Variants in RNFT2 observed in about 807,000 individuals in gnomAD.
The protein encoded by RNFT2 is ring finger protein, transmembrane 2.
RNFT2 carries 36 observed loss-of-function variants against 53.0 expected under a neutral mutation model. The observed-to-expected ratio is 0.68, with a 90% confidence interval of 0.52 to 0.90. The LOEUF (loss-of-function observed/expected upper bound fraction) is 0.90. Among genes scored for constraint, RNFT2 ranks in the 40% least tolerant of loss-of-function variants. The pLI, the probability that RNFT2 is intolerant of heterozygous loss-of-function variation, is 0.00. For missense variants in RNFT2, 514 were observed against 585.6 expected, an observed-to-expected ratio of 0.88 and a Z score of 1.26; for synonymous variants, 260 against 253.2, an observed-to-expected ratio of 1.03 and a Z score of -0.26.
chr12:116,762,155 G>A (rs1006372513), intron 5 of RNFT2, among the ~76,000 whole-genome samples: 16 of 151,996 alleles, frequency 1.1e-4, no homozygotes, highest in African/African-American at 3.6e-4. Flanking sequence ...AAGGCAGGTG[G>A]ATCACTTGAG....
chr12:116,799,231 C>T (rs1874651169), intron 7 of RNFT2, among the ~76,000 whole-genome samples: 1 of 152,200 alleles, frequency 6.6e-6, no homozygotes, highest in Non-Finnish European at 1.5e-5. Flanking sequence ...TTGCCACCAT[C>T]TTCAAGCCAA....
At chr12:116,844,881 T>C (rs146703103) in intron 10 of RNFT2, among the ~76,000 whole-genome samples, 8 of 152,130 alleles carry the variant, frequency 5.3e-5, no homozygotes, top group Non-Finnish European at 1.0e-4. Flanking sequence ...GGTTGGTCAA[T>C]AGATATTTAC....
rs372263210 is a variant in RNFT2 at position 116,849,453 on chromosome 12, G to A, written c.*5G>A. 15 of 1,581,200 alleles carry A rather than the reference G, an allele frequency of 9.5e-6. No homozygotes were observed. Among genetic ancestry groups the A allele is most frequent in the Non-Finnish European group, 1.1e-5 (13 of 1,163,282 alleles). ...GCACACTTCCAGGTGTACTAGGACCGAACACTGAGGACACCCAGAAGGACG... is the reference window on the plus strand; with the variant it reads ...GCACACTTCCAGGTGTACTAGGACCAAACACTGAGGACACCCAGAAGGACG... On this transcript the variant is annotated 3_prime_UTR_variant, in exon 11 of 11. Coordinates refer to ENST00000257575, the MANE Select transcript of RNFT2 (RefSeq NM_001382266.1).
intron 10 of RNFT2, among the ~76,000 whole-genome samples, chr12:116,846,618 A>G (rs1877630163): frequency 2.6e-5 from 4 of 152,012 alleles, no homozygotes; most frequent in Non-Finnish European, 5.9e-5. Flanking sequence ...TTTTAAAAAA[A>G]CATTTTGTTT....
intron 7 of RNFT2, among the ~76,000 whole-genome samples, chr12:116,787,542 T>TAATAAA (rs1044087896): frequency 6.6e-6 from 1 of 151,900 alleles, no homozygotes; most frequent in Non-Finnish European, 1.5e-5. Context: ...GCCATCTTTA[T>TAATAAA]AATAAAAATA....
At chr12:116,812,170 G>C (rs530589063) in intron 7 of RNFT2, among the ~76,000 whole-genome samples, 1 of 152,288 alleles carries the variant, frequency 6.6e-6, no homozygotes, top group South Asian at 2.1e-4. Context: ...GTGGGGCAGA[G>C]ACACACAAAA....
intron 5 of RNFT2, among the ~76,000 whole-genome samples, chr12:116,757,853 A>G (rs528561907): frequency 6.6e-6 from 1 of 152,264 alleles, no homozygotes; most frequent in African/African-American, 2.4e-5. Flanking sequence ...GTTCCAAGGT[A>G]TAGTTTAAAT....
At chr12:116,780,133 A>G (rs1339950071) in intron 7 of RNFT2, among the ~76,000 whole-genome samples, 1 of 152,134 alleles carries the variant, frequency 6.6e-6, no homozygotes, top group Non-Finnish European at 1.5e-5. Flanking sequence ...GTGACCATCG[A>G]TCTTGAGTGG....
At chr12:116,796,559 G>A (rs1408294779) in intron 7 of RNFT2, among the ~76,000 whole-genome samples, 1 of 152,082 alleles carries the variant, frequency 6.6e-6, no homozygotes, top group Non-Finnish European at 1.5e-5. Context: ...TAAGAAAGGT[G>A]GTCTTCTCTG....
intron 5 of RNFT2, among the ~76,000 whole-genome samples, chr12:116,756,149 T>C (rs925575618): frequency 7.2e-5 from 11 of 152,284 alleles, no homozygotes; most frequent in South Asian, 2.1e-4. Flanking sequence ...TGTAGATTGC[T>C]TTTGGCAGTA....
intron 7 of RNFT2, among the ~76,000 whole-genome samples, chr12:116,783,738 C>T (rs1322971985): frequency 6.6e-6 from 1 of 152,250 alleles, no homozygotes; most frequent in East Asian, 1.9e-4. Context: ...CTTGTTGGCT[C>T]TCCACAGCCA....
At chr12:116,761,648 TC>T (rs1388919816) in intron 5 of RNFT2, among the ~76,000 whole-genome samples, 3 of 152,196 alleles carry the variant, frequency 2.0e-5, no homozygotes, top group South Asian at 4.1e-4. Context: ...AAATCATTTT[TC>T]TGTCATTTTC....
intron 10 of RNFT2, among the ~76,000 whole-genome samples, chr12:116,847,574 C>A (rs573029267): frequency 6.6e-6 from 1 of 150,828 alleles, no homozygotes; most frequent in African/African-American, 2.4e-5. Context: ...GTTGCCCAGG[C>A]TGGAACACAA....
At chr12:116,804,244 A>C (rs2087725782) in intron 7 of RNFT2, among the ~76,000 whole-genome samples, 2 of 152,214 alleles carry the variant, frequency 1.3e-5, no homozygotes, top group Non-Finnish European at 2.9e-5. Context: ...CTTGCTTCTC[A>C]AAGTGCAGTC....
At chr12:116,835,289 C>T (rs1876902749) in intron 8 of RNFT2, among the ~76,000 whole-genome samples, 5 of 67,568 alleles carry the variant, frequency 7.4e-5, no homozygotes, top group Admixed American at 6.4e-4. Context: ...CCATAAGCTC[C>T]CAACCACACT....
chr12:116,772,352 G>C (rs563923233), intron 6 of RNFT2, among the ~76,000 whole-genome samples: 16 of 152,140 alleles, frequency 1.1e-4, no homozygotes, highest in Admixed American at 3.9e-4. Flanking sequence ...CTGTCACCAG[G>C]CTGAAGTGCT....
chr12:116,840,729 C>T (rs1877206943), intron 10 of RNFT2, among the ~76,000 whole-genome samples: 1 of 152,052 alleles, frequency 6.6e-6, no homozygotes, highest in African/African-American at 2.4e-5. Context: ...ATCTGTCACC[C>T]AAGATTGACA....
At chr12:116,793,913 A>T (rs929464607) in intron 7 of RNFT2, among the ~76,000 whole-genome samples, 1 of 152,084 alleles carries the variant, frequency 6.6e-6, no homozygotes. Context: ...ATGTGAACTC[A>T]TGTGAGCAAA....
intron 6 of RNFT2, among the ~76,000 whole-genome samples, chr12:116,770,269 C>G (rs1001774339): frequency 2.0e-5 from 3 of 152,114 alleles, no homozygotes; most frequent in African/African-American, 7.2e-5. Flanking sequence ...TATACAGATA[C>G]CATTGTGTTA....
Sources: allele counts gnomAD v4.1 joint callset (sites outside exome capture counted in the v4.1 genomes callset), GRCh38; gene constraint gnomAD v4.1.1; transcripts MANE v1.5; gene names NCBI Gene and HGNC (gene_info 2026-07-23, HGNC 2026-07-21).